The following SVOPL variants were observed in gnomAD, a reference collection of about 807,000 sequenced individuals.
SVOPL encodes the protein putative transporter SVOPL.
SVOPL carries 60 observed loss-of-function variants against 61.0 expected under a neutral mutation model. That is an observed-to-expected ratio of 0.98 (90% confidence interval 0.80 to 1.22). The LOEUF (loss-of-function observed/expected upper bound fraction) is 1.22, where lower values mean the gene tolerates loss of function less well. Ranked by LOEUF, SVOPL falls within the 50% of genes most tolerant of loss-of-function variation. The probability of loss-of-function intolerance (pLI) is 0.00; values close to 1 mark genes in which losing one functional copy is unlikely to be tolerated. For missense variants in SVOPL, 662 were observed against 643.9 expected, an observed-to-expected ratio of 1.03 and a Z score of -0.30; for synonymous variants, 279 against 250.0, an observed-to-expected ratio of 1.12 and a Z score of -1.09.
At chr7:138,700,792 A>G (rs551907802) in intron 1 of SVOPL, among the ~76,000 whole-genome samples, 3 of 152,072 alleles carry the variant, frequency 2.0e-5, no homozygotes, top group Non-Finnish European at 2.9e-5. Context: ...GTCCCTCACT[A>G]TAAGTTCCTA....
chr7:138,625,138 C>A (rs1418413626), intron 13 of SVOPL: 1 of 152,114 alleles, frequency 6.6e-6, no homozygotes, highest in Non-Finnish European at 1.5e-5. Flanking sequence ...TTTTTTTGTA[C>A]CTGCCTATAA....
chr7:138,621,790 CTATCTATCTATG>C (rs1554456866), intron 13 of SVOPL, among the ~76,000 whole-genome samples: 9 of 115,596 alleles, frequency 7.8e-5, no homozygotes, highest in African/African-American at 1.9e-4. Context: ...TTCTATCTAT[CTATCTATCTATG>C]TATCTATCTA....
In SVOPL at chr7:138,620,703, C is replaced by T. The variant is rs568779489; in HGVS notation, c.1353+343G>A. Among the ~76,000 whole-genome samples the T allele has an allele frequency of 2.2e-3, 338 of 152,270 alleles. 1 individual carries two copies. Among genetic ancestry groups the T allele is most frequent in the African/African-American group, 7.8e-3 (325 of 41,554 alleles). On this transcript the variant is annotated intron_variant, in intron 14 of 15. Coordinates refer to ENST00000674285, the MANE Select transcript of SVOPL (RefSeq NM_001139456.2). Reference sequence around the variant, plus strand: ...TTACAGTTGCCACCTGGACAACTGACCAGACAACAATTCTAACTCAGGGTT... The same window carrying T: ...TTACAGTTGCCACCTGGACAACTGATCAGACAACAATTCTAACTCAGGGTT...
intron 5 of SVOPL, chr7:138,661,688 C>A (rs1584851383): frequency 1.1e-6 from 1 of 902,078 alleles, no homozygotes; most frequent in Non-Finnish European, 1.3e-6. Context: ...TTTAACGAAC[C>A]AATGTAAATT....
intron 7 of SVOPL, among the ~76,000 whole-genome samples, chr7:138,649,856 G>A (rs1298891194): frequency 1.3e-5 from 2 of 152,124 alleles, no homozygotes; most frequent in African/African-American, 4.8e-5. Context: ...TTTTGAGACA[G>A]AGTCTTGCTC....
chr7:138,595,268 T>C (rs1313337923), intron 15 of SVOPL, among the ~76,000 whole-genome samples: 1 of 152,204 alleles, frequency 6.6e-6, no homozygotes, highest in Non-Finnish European at 1.5e-5. Context: ...GAAGCTGTAT[T>C]GGTGTCAGTC....
intron 9 of SVOPL, among the ~76,000 whole-genome samples, chr7:138,640,258 T>C (rs1384335450): frequency 6.6e-6 from 1 of 151,748 alleles, no homozygotes; most frequent in East Asian, 1.9e-4. Context: ...TGAGATGGAG[T>C]TTCGCTCTTG....
chr7:138,644,197 CAAAAAAAAAA>C (rs71179714), intron 9 of SVOPL, among the ~76,000 whole-genome samples: 61 of 50,400 alleles, frequency 1.2e-3, no homozygotes, highest in East Asian at 4.6e-3. Context: ...AAGACTCCAT[CAAAAAAAAAA>C]AAAAAAAAAA....
intron 14 of SVOPL, among the ~76,000 whole-genome samples, chr7:138,615,773 C>T (rs143599922): frequency 2.1e-5 from 3 of 141,358 alleles, no homozygotes; most frequent in Non-Finnish European, 3.1e-5. Context: ...CCAGCCTGGG[C>T]GACAGAGTGA....
chr7:138,688,153 A>G (rs1802860998), intron 1 of SVOPL, among the ~76,000 whole-genome samples: 1 of 152,156 alleles, frequency 6.6e-6, no homozygotes, highest in Admixed American at 6.5e-5. Context: ...GTCTACAAAG[A>G]AGATATGCAA....
At chr7:138,691,546 G>C (rs773295462) in intron 1 of SVOPL, among the ~76,000 whole-genome samples, 1 of 152,054 alleles carries the variant, frequency 6.6e-6, no homozygotes, top group African/African-American at 2.4e-5. Flanking sequence ...TGTTGCTGTC[G>C]TTGTTGTTTT....
At chr7:138,687,081 C>G (rs1802833353) in intron 1 of SVOPL, among the ~76,000 whole-genome samples, 1 of 152,014 alleles carries the variant, frequency 6.6e-6, no homozygotes, top group African/African-American at 2.4e-5. Context: ...GTGGGAAAAG[C>G]AAAATAATTG....
intron 4 of SVOPL, chr7:138,664,107 G>T: frequency 1.5e-6 from 1 of 653,034 alleles, no homozygotes; most frequent in Non-Finnish European, 1.9e-6. Flanking sequence ...CGCTCGCTGG[G>T]GCTCCAGCTC....
chr7:138,699,584 C>T (rs998860529), intron 1 of SVOPL, among the ~76,000 whole-genome samples: 1 of 152,198 alleles, frequency 6.6e-6, no homozygotes, highest in East Asian at 1.9e-4. Context: ...AAACTAGTCA[C>T]TTCATCTTAC....
chr7:138,620,022 C>G (rs1444379158), intron 14 of SVOPL, among the ~76,000 whole-genome samples: 1 of 152,026 alleles, frequency 6.6e-6, no homozygotes, highest in African/African-American at 2.4e-5. Flanking sequence ...TGTCAGTGCC[C>G]CCACTCCCAG....
At chr7:138,668,132 G>A (rs749170457) in intron 4 of SVOPL, among the ~76,000 whole-genome samples, 4 of 152,024 alleles carry the variant, frequency 2.6e-5, no homozygotes, top group Admixed American at 6.6e-5. Flanking sequence ...ATCTGATCTT[G>A]TGGCACCCAC....
At chr7:138,620,412 C>T (rs1175453311) in intron 14 of SVOPL, among the ~76,000 whole-genome samples, 7 of 146,688 alleles carry the variant, frequency 4.8e-5, no homozygotes, top group African/African-American at 1.8e-4. Context: ...TGAGCTACCG[C>T]ACCCCAGTCT....
chr7:138,689,666 G>A (rs1802896656), intron 1 of SVOPL: 1 of 333,174 alleles, frequency 3.0e-6, no homozygotes, highest in East Asian at 7.4e-5. Flanking sequence ...AGACCAGCCT[G>A]ACCAACATGG....
intron 5 of SVOPL, chr7:138,660,294 G>A: frequency 9.1e-7 from 1 of 1,093,972 alleles, no homozygotes; most frequent in Non-Finnish European, 1.1e-6. Flanking sequence ...CCTACTCACA[G>A]GGCTGCTGGG....
Sources: allele counts gnomAD v4.1 joint callset (sites outside exome capture counted in the v4.1 genomes callset), GRCh38; gene constraint gnomAD v4.1.1; transcripts MANE v1.5; gene names NCBI Gene and HGNC (gene_info 2026-07-23, HGNC 2026-07-21).